NAA25: variants seen among roughly 807,000 people sequenced by gnomAD.
NAA25 encodes N-alpha-acetyltransferase 25, NatB auxiliary subunit, also known as N-terminal acetyltransferase B complex subunit NAA25.
A neutral mutation model predicts 132.5 loss-of-function variants in NAA25; 30 were observed. That is an observed-to-expected ratio of 0.23 (90% confidence interval 0.17 to 0.31). The LOEUF (loss-of-function observed/expected upper bound fraction) is 0.31, where lower values mean the gene tolerates loss of function less well. Ranked by LOEUF, NAA25 falls within the 10% of genes least tolerant of loss-of-function variation. The pLI is 1.00. For synonymous variants in NAA25, 359 were observed against 401.9 expected, an observed-to-expected ratio of 0.89 and a Z score of 1.28; for missense variants, 771 against 1,150.4, an observed-to-expected ratio of 0.67 and a Z score of 4.77.
At chr12:112,085,357 A>T (rs1445826995) in intron 4 of NAA25, among the ~76,000 whole-genome samples, 5 of 152,172 alleles carry the variant, frequency 3.3e-5, no homozygotes, top group Admixed American at 6.6e-5. Context: ...ACGCCACAGC[A>T]CTCCAGCCTG....
intron 11 of NAA25, chr12:112,063,934 GACTC>G (rs2078674922): frequency 6.6e-6 from 1 of 151,820 alleles, no homozygotes; most frequent in South Asian, 2.1e-4. Context: ...TTGGGAGGGG[GACTC>G]ACTATGTTGT....
intron 15 of NAA25, among the ~76,000 whole-genome samples, chr12:112,052,443 C>T (rs2078481619): frequency 1.3e-5 from 2 of 152,144 alleles, no homozygotes; most frequent in South Asian, 4.1e-4. Flanking sequence ...GGATACAGGA[C>T]TAAGAACCAA....
At chr12:112,032,910 A>AAATTCTATTC (rs2078168583) in intron 23 of NAA25, among the ~76,000 whole-genome samples, 1 of 152,222 alleles carries the variant, frequency 6.6e-6, no homozygotes, top group Non-Finnish European at 1.5e-5. Flanking sequence ...AGCAGCAGGT[A>AAATTCTATTC]AATTCTATTC....
At chr12:112,081,244 T>G (rs2078970145) in intron 4 of NAA25, 110 bp from the exon 5 acceptor site, 1 of 836,612 alleles carries the variant, frequency 1.2e-6, no homozygotes, top group East Asian at 2.5e-5. Flanking sequence ...TATTTACATA[T>G]CCCAGTTAGT....
intron 22 of NAA25, chr12:112,033,790 GAA>G (rs1375931579): frequency 6.7e-6 from 1 of 148,310 alleles, no homozygotes; most frequent in Non-Finnish European, 1.5e-5. Context: ...ATAACAAACT[GAA>G]AAAAAAACTG....
chr12:112,082,882 A>G (rs777370309), intron 4 of NAA25, among the ~76,000 whole-genome samples: 2 of 152,136 alleles, frequency 1.3e-5, no homozygotes, highest in Non-Finnish European at 2.9e-5. Context: ...TAGGAGAAAA[A>G]TGAGTCTGAA....
At chr12:112,077,297 A>G (rs1001823622) in intron 7 of NAA25, among the ~76,000 whole-genome samples, 10 of 151,744 alleles carry the variant, frequency 6.6e-5, no homozygotes, top group African/African-American at 2.4e-4. Flanking sequence ...ACATGTTGAA[A>G]CCCCGTCTCT....
At chr12:112,043,593 C>A in intron 18 of NAA25, 32 bp downstream of exon 18, 1 of 1,606,922 alleles carries the variant, frequency 6.2e-7, no homozygotes, top group Admixed American at 1.7e-5. Context: ...ATAATTATTG[C>A]AACTTTGATG....
At chr12:112,084,853 T>A (rs1231855543) in intron 4 of NAA25, among the ~76,000 whole-genome samples, 2 of 150,952 alleles carry the variant, frequency 1.3e-5, no homozygotes, top group Non-Finnish European at 2.9e-5. Flanking sequence ...TCCCAATATT[T>A]TGGGAGGCTG....
chr12:112,033,301 C>T lies in NAA25; in HGVS notation c.2728G>A (p.Gly910Arg). 1 of 1,613,494 alleles carries T rather than the reference C, an allele frequency of 6.2e-7. No homozygotes were observed. The highest frequency in any genetic ancestry group is 8.5e-7 in the Non-Finnish European group (1 of 1,179,796). ...AGTGCAATTAGATGTGTTTCAAGCC[C>T]TTTAATATGATCCACAACATTGGAA... Reference protein sequence around the residue: ...LISNVVDHIKGLETHLIALKL... With the variant: ...LISNVVDHIKRLETHLIALKL... The change falls in exon 23 of 24, where the codon GGG becomes AGG. Residue 910 changes from glycine to arginine, a missense_variant. Gly to Arg is a moderately radical substitution (Grantham distance 125). This residue lies in a region of NAA25 where 324 missense variants were observed against 400.0 expected (regional missense o/e 0.81). Transcript: ENST00000261745.
intron 1 of NAA25, among the ~76,000 whole-genome samples, chr12:112,107,644 C>A (rs1239616944): frequency 9.2e-5 from 14 of 152,074 alleles, no homozygotes; most frequent in Non-Finnish European, 1.9e-4. Flanking sequence ...ACCACCGCCC[C>A]CCGCTCCCAA....
At chr12:112,068,031 C>A (rs948512360) in intron 11 of NAA25, among the ~76,000 whole-genome samples, 1 of 152,136 alleles carries the variant, frequency 6.6e-6, no homozygotes, top group African/African-American at 2.4e-5. Flanking sequence ...AGCCACCACA[C>A]CCAGCCTCTT....
At position 112,040,586 on chromosome 12, in the gene NAA25, C is replaced by A; in HGVS notation, c.2441-8G>T. 2.0e-6 allele frequency: 3 copies of A among 1,502,564 alleles called. No individual in the cohort carries two copies. The highest frequency in any genetic ancestry group is 1.2e-5 in the South Asian group (1 of 83,880). The allele number at this position is 1,502,564 out of a possible 1,614,324, so 93.1% of individuals were successfully genotyped here. ...TACATTTACTGAAGACATCTGAAAA[C>A]AAAAAACATTTTAGTTTTATTCAGC... On this transcript the variant is annotated splice_polypyrimidine_tract_variant and splice_region_variant and intron_variant, in intron 20 of 23. Coordinates refer to ENST00000261745, the MANE Select transcript of NAA25 (RefSeq NM_024953.4).
chr12:112,071,480 C>T (rs762877991), intron 10 of NAA25, among the ~76,000 whole-genome samples: 9 of 152,034 alleles, frequency 5.9e-5, no homozygotes, highest in Non-Finnish European at 1.2e-4. Flanking sequence ...TACAGATGTG[C>T]GTCATTATGC....
chr12:112,051,772 TA>T (rs2078470353), intron 15 of NAA25, among the ~76,000 whole-genome samples: 1 of 152,234 alleles, frequency 6.6e-6, no homozygotes, highest in Non-Finnish European at 1.5e-5. Context: ...AAATTGCTCC[TA>T]GGGGTCTCCT....
intron 13 of NAA25, 21 bp from the exon 14 acceptor site, chr12:112,054,589 T>C: frequency 6.2e-7 from 1 of 1,605,410 alleles, no homozygotes; most frequent in Non-Finnish European, 8.5e-7. Flanking sequence ...AATACAGCAT[T>C]ATCCACTGAT....
intron 17 of NAA25, among the ~76,000 whole-genome samples, chr12:112,045,537 A>G (rs899000954): frequency 6.6e-6 from 1 of 151,750 alleles, no homozygotes; most frequent in African/African-American, 2.4e-5. Context: ...GCTCACACCT[A>G]TAATCACAGC....
chr12:112,092,424 A>C (rs2079146701), intron 2 of NAA25, among the ~76,000 whole-genome samples: 1 of 152,138 alleles, frequency 6.6e-6, no homozygotes, highest in South Asian at 2.1e-4. Flanking sequence ...CGGGAGTTTG[A>C]GACCAGCCCG....
Position 112,029,511 on chromosome 12 carries a change from T to A in NAA25, c.*20A>T. On this transcript the variant is annotated 3_prime_UTR_variant, in exon 24 of 24. Coordinates refer to ENST00000261745, the MANE Select transcript of NAA25 (RefSeq NM_024953.4). ...TCATATTCTGTTGCAGAGTCATCAG[T>A]GCCCATGATAGATACTTCCTTAAAT... The A allele has an allele frequency of 6.2e-7, 1 of 1,613,956 alleles. No homozygotes were observed. The highest frequency in any genetic ancestry group is 8.5e-7 in the Non-Finnish European group (1 of 1,179,926).
Sources: gnomAD v4.1 joint callset for allele counts (sites outside exome capture counted in the v4.1 genomes callset) on GRCh38, gnomAD v4.1.1 for gene constraint, gnomAD v4.1.1 regional missense constraint, MANE v1.5 for transcripts, NCBI Gene and HGNC (gene_info 2026-07-23, HGNC 2026-07-21) for gene names.